ARMH1: variants seen among roughly 807,000 people sequenced by gnomAD.
The protein encoded by ARMH1 is armadillo-like helical domain containing protein 1.
ARMH1 carries 34 observed loss-of-function variants against 50.2 expected under a neutral mutation model. The observed-to-expected ratio is 0.68, with a 90% CI of 0.51 to 0.90. The LOEUF is 0.90. Ranked by LOEUF, ARMH1 falls within the 40% of genes least tolerant of loss-of-function variation. The pLI is 0.00. For synonymous variants in ARMH1, 221 were observed against 224.2 expected, an observed-to-expected ratio of 0.99 and a Z score of 0.13; for missense variants, 538 against 553.9, an observed-to-expected ratio of 0.97 and a Z score of 0.29.
At chr1:44,709,481 G>A (rs906245441) in intron 6 of ARMH1, among the ~76,000 whole-genome samples, 12 of 152,094 alleles carry the variant, frequency 7.9e-5, no homozygotes, top group South Asian at 2.1e-4. Context: ...GACCATCCTG[G>A]CTAACACGGT....
At position 44,681,521 on chromosome 1, in the gene ARMH1, T is replaced by G. The variant is rs917971180; in HGVS notation, c.-23+6648T>G. On this transcript the variant is annotated intron_variant, in intron 1 of 11. Transcript: ENST00000535358. The surrounding 1 kb of genome is among the most constrained non-coding windows in gnomAD (Gnocchi z 4.3). The stretch of plus-strand genomic sequence containing the variant: ...AAATAATAATAAAGATAGGTAAAAA[T>G]CAAGGCTAACAAGAAAAATGCCTAA... Among the ~76,000 whole-genome samples the G allele has an allele frequency of 6.6e-6, 1 of 151,784 alleles. No homozygotes were observed. The highest frequency in any genetic ancestry group is 2.4e-5 in the African/African-American group (1 of 41,282).
At chr1:44,721,813 AT>A (rs943162159) in intron 6 of ARMH1, 11 of 152,278 alleles carry the variant, frequency 7.2e-5, no homozygotes, top group African/African-American at 2.6e-4. Flanking sequence ...ACTTCAAAAA[AT>A]TTAACCATAA....
At chr1:44,688,407 A>G (rs886942082) in intron 1 of ARMH1, 1 of 152,178 alleles carries the variant, frequency 6.6e-6, no homozygotes, top group African/African-American at 2.4e-5. Context: ...CAATATCTCA[A>G]ATACATGTGA....
chr1:44,709,452 C>A (rs1437054752), intron 6 of ARMH1, among the ~76,000 whole-genome samples: 2 of 152,286 alleles, frequency 1.3e-5, no homozygotes, highest in East Asian at 3.9e-4. Flanking sequence ...GGGGGCGGAT[C>A]ACGAGGTCAG....
chr1:44,706,790 C>T (rs935717926), intron 6 of ARMH1, among the ~76,000 whole-genome samples: 2 of 152,070 alleles, frequency 1.3e-5, no homozygotes, highest in Non-Finnish European at 2.9e-5. Flanking sequence ...TAGAGTGGTA[C>T]AGGGACCTAA....
chr1:44,678,086 G>T (rs1406409626), intron 1 of ARMH1, among the ~76,000 whole-genome samples: 1 of 152,118 alleles, frequency 6.6e-6, no homozygotes, highest in East Asian at 1.9e-4. Context: ...TGGGAAGAAG[G>T]GTTTTCAAGA....
intron 1 of ARMH1, among the ~76,000 whole-genome samples, chr1:44,677,743 C>G (rs59370761): frequency 0.12 from 18,832 of 152,044 alleles, 3,134 homozygotes; most frequent in African/African-American, 0.37. Context: ...TGCCCGTGAG[C>G]TAGGTACCAG....
chr1:44,702,026 G>A (rs1368234881), intron 5 of ARMH1, among the ~76,000 whole-genome samples: 1 of 151,970 alleles, frequency 6.6e-6, no homozygotes, highest in Non-Finnish European at 1.5e-5. Flanking sequence ...GATCGTGTGA[G>A]CCCAGGAGTT....
chr1:44,712,314 C>G (rs936172083), intron 6 of ARMH1, among the ~76,000 whole-genome samples: 6 of 152,128 alleles, frequency 3.9e-5, no homozygotes, highest in Admixed American at 2.6e-4. Context: ...CAAAAATTAT[C>G]TGGATATGTG....
rs150333978 is a variant in ARMH1, at chr1:44,693,689, C to T, written c.207-3413C>T. 1.2e-3 allele frequency among the ~76,000 whole-genome samples: 190 copies of T among 152,282 alleles called. 1 individual carries two copies. The highest frequency in any genetic ancestry group is 4.7e-3 in the Admixed American group (72 of 15,298). ...CAGGCTCATCTCAAACTCCTGGGCTCAAGCAACCCTCCCACCTTGACCTCT... is the reference window on the plus strand; with the variant it reads ...CAGGCTCATCTCAAACTCCTGGGCTTAAGCAACCCTCCCACCTTGACCTCT... On this transcript the variant is annotated intron_variant, in intron 2 of 11. Coordinates refer to ENST00000535358, the MANE Select transcript of ARMH1 (RefSeq NM_001145636.2).
intron 6 of ARMH1, among the ~76,000 whole-genome samples, chr1:44,719,661 G>A (rs1408450290): frequency 2.0e-5 from 3 of 152,224 alleles, no homozygotes; most frequent in Admixed American, 6.5e-5. Context: ...ATGTCTGTTT[G>A]GAGTTAAACA....
chr1:44,692,713 T>C (rs1301212573), intron 2 of ARMH1, among the ~76,000 whole-genome samples: 1 of 151,998 alleles, frequency 6.6e-6, no homozygotes, highest in African/African-American at 2.4e-5. Context: ...CATCTGTAGG[T>C]TTACCCAAAT....
At chr1:44,712,145 G>A (rs1646638553) in intron 6 of ARMH1, among the ~76,000 whole-genome samples, 1 of 152,164 alleles carries the variant, frequency 6.6e-6, no homozygotes, top group South Asian at 2.1e-4. Flanking sequence ...CCCGAGGCGG[G>A]CAGATCACTT....
chr1:44,721,756 C>G (rs138512203), intron 6 of ARMH1: 1 of 152,138 alleles, frequency 6.6e-6, no homozygotes. Context: ...ACACCCCACC[C>G]ACACGTCTCT....
intron 6 of ARMH1, among the ~76,000 whole-genome samples, chr1:44,707,613 G>T (rs1646402741): frequency 6.6e-6 from 1 of 151,962 alleles, no homozygotes; most frequent in African/African-American, 2.4e-5. Flanking sequence ...GTAAAGATGG[G>T]GTCTCCCTAT....
chr1:44,697,210 C>T (rs1645856487), intron 3 of ARMH1, 40 bp downstream of exon 3: 3 of 1,466,748 alleles, frequency 2.0e-6, no homozygotes, highest in Non-Finnish European at 2.8e-6. Flanking sequence ...GTCTCAGTGG[C>T]ATCTCAGGCT....
chr1:44,721,893 A>G (rs769268579), intron 6 of ARMH1: 12 of 152,244 alleles, frequency 7.9e-5, no homozygotes, highest in African/African-American at 2.4e-4. Flanking sequence ...ATGAAGAGAA[A>G]CCAGAGATCT....
chr1:44,691,026 G>A (rs911387247), intron 2 of ARMH1, among the ~76,000 whole-genome samples: 8 of 151,836 alleles, frequency 5.3e-5, no homozygotes, highest in African/African-American at 1.9e-4. Flanking sequence ...TTGGGAGGCC[G>A]AGGTGGGCGG....
intron 6 of ARMH1, among the ~76,000 whole-genome samples, chr1:44,715,609 G>C (rs1646818127): frequency 1.3e-5 from 2 of 152,068 alleles, no homozygotes; most frequent in Non-Finnish European, 2.9e-5. Context: ...ACCCAGGCTG[G>C]AGTGCAGTGG....
Sources: allele counts gnomAD v4.1 joint callset (sites outside exome capture counted in the v4.1 genomes callset), GRCh38; gene constraint gnomAD v4.1.1; non-coding constraint Gnocchi (gnomAD v3.1); transcripts MANE v1.5; gene names NCBI Gene and HGNC (gene_info 2026-07-23, HGNC 2026-07-21).